Variants in DYNC2LI1 observed in about 807,000 individuals in gnomAD.
The protein encoded by DYNC2LI1 is dynein cytoplasmic 2 light intermediate chain 1, also known as cytoplasmic dynein 2 light intermediate chain 1.
A neutral mutation model predicts 51.9 loss-of-function variants in DYNC2LI1; 45 were observed. The ratio of observed to expected loss-of-function variants is 0.87; its 90% CI spans 0.68 to 1.11. The LOEUF (loss-of-function observed/expected upper bound fraction) is 1.11, where lower values mean the gene tolerates loss of function less well. DYNC2LI1 is among the 50% of genes most tolerant of loss of function. DYNC2LI1 has a pLI of 0.00. For synonymous variants in DYNC2LI1, 130 were observed against 137.8 expected (o/e 0.94, Z 0.40); for missense variants, 490 against 417.4 (o/e 1.17, Z -1.51).
At chr2:43,782,367 C>CT (rs1360164330) in intron 2 of DYNC2LI1, among the ~76,000 whole-genome samples, 1 of 151,668 alleles carries the variant, frequency 6.6e-6, no homozygotes, top group Non-Finnish European at 1.5e-5. Flanking sequence ...GAGTAATTAT[C>CT]TTTTTTGTCA....
chr2:43,824,966 G>A, the DYNC2LI1 span: 17 of 1,613,878 alleles, frequency 1.1e-5, no homozygotes, highest in African/African-American at 5.3e-5. Context: ...TTCCGCTGGC[G>A]TGCCACAGAA....
chr2:43,790,734 G>C (rs546751728), intron 5 of DYNC2LI1, among the ~76,000 whole-genome samples: 1 of 152,194 alleles, frequency 6.6e-6, no homozygotes, highest in African/African-American at 2.4e-5. Flanking sequence ...AATAGACTTC[G>C]TACAGGTTTG....
chr2:43,810,567 C>T (rs1218237130), downstream of DYNC2LI1: 2 of 954,846 alleles, frequency 2.1e-6, no homozygotes, highest in Middle Eastern at 5.4e-4. Flanking sequence ...ATTCTATGTT[C>T]TTCCATGTCC....
the DYNC2LI1 span, chr2:43,825,013 A>G: frequency 2.0e-5 from 32 of 1,613,632 alleles, no homozygotes; most frequent in Admixed American, 5.2e-4. Context: ...CAATTTTGTC[A>G]AAGAGCTGAC....
At position 43,801,686 on chromosome 2, in the gene DYNC2LI1, G is replaced by T; in HGVS notation, c.779G>T (p.Gly260Val). ...AATAAACCGCTGTTTATCACAGCAG[G>T]ATTGGATTCTTTCGGTCAAATAGGT... ...DQNKPLFITAGLDSFGQIGSP... is the reference protein window; with the variant it reads ...DQNKPLFITAVLDSFGQIGSP... Residue 260 changes from glycine to valine, a missense_variant, in exon 10 of 13, where the codon GGA (glycine) becomes GTA (valine). By Grantham distance (109) the Gly-to-Val change is moderately radical. Transcript: ENST00000260605. The T allele has an allele frequency of 6.2e-7, 1 of 1,609,832 alleles. No homozygotes were observed. The highest frequency in any genetic ancestry group is 8.5e-7 in the Non-Finnish European group (1 of 1,177,840).
At chr2:43,812,925 C>T (rs1345784397), downstream of DYNC2LI1, 1 of 596,630 alleles carries the variant, frequency 1.7e-6, no homozygotes, top group Non-Finnish European at 3.0e-6. Flanking sequence ...GTTGTAAGAG[C>T]AAGGGACTAT....
chr2:43,808,609 T>C (rs17031638), intron 12 of DYNC2LI1, among the ~76,000 whole-genome samples: 3,295 of 152,302 alleles, frequency 0.022, 83 homozygotes, highest in African/African-American at 0.062. Flanking sequence ...CCACCTCCAC[T>C]AAAATTTATT....
intron 2 of DYNC2LI1, among the ~76,000 whole-genome samples, chr2:43,777,710 G>A (rs1053051487): frequency 1.3e-5 from 2 of 152,190 alleles, no homozygotes; most frequent in African/African-American, 4.8e-5. Context: ...TGTTCACTGG[G>A]CAACGTCAGC....
chr2:43,795,878 G>T lies in DYNC2LI1; in HGVS notation c.508-12G>T. 1 of 1,605,014 alleles carries T rather than the reference G, an allele frequency of 6.2e-7. No homozygotes were observed. On this transcript the variant is annotated splice_polypyrimidine_tract_variant and intron_variant, in intron 6 of 12. Transcript: ENST00000260605. ...GAATTACAACAACTCAAGGAAATAT[G>T]TTTATTAGCAGGATCATGAATTAAT... is the stretch of plus-strand genomic sequence containing the variant.
the DYNC2LI1 span, among the ~76,000 whole-genome samples, chr2:43,815,682 T>C: frequency 6.6e-6 from 1 of 152,168 alleles, no homozygotes. Context: ...TGCCAAGGGC[T>C]GCATATGGGA....
At chr2:43,777,034 G>C (rs1673059976) in intron 2 of DYNC2LI1, 135 bp downstream of exon 2, 2 of 473,362 alleles carry the variant, frequency 4.2e-6, no homozygotes, top group Admixed American at 7.0e-5. Flanking sequence ...GAATTAAAAA[G>C]TGCTTATTAT....
intron 2 of DYNC2LI1, among the ~76,000 whole-genome samples, chr2:43,778,488 C>T (rs578075454): frequency 6.4e-4 from 97 of 152,236 alleles, no homozygotes; most frequent in Middle Eastern, 3.4e-3. Context: ...TTATGATGCA[C>T]GTGATTTTCA....
chr2:43,782,011 ATGTG>A (rs72178749), intron 2 of DYNC2LI1, among the ~76,000 whole-genome samples: 25 of 148,574 alleles, frequency 1.7e-4, no homozygotes, highest in East Asian at 3.9e-4. Flanking sequence ...GTTTCTGTCT[ATGTG>A]TGTGTGTGTG....
intron 1 of DYNC2LI1, among the ~76,000 whole-genome samples, chr2:43,776,364 A>G (rs541837581): frequency 1.3e-5 from 2 of 152,318 alleles, no homozygotes; most frequent in East Asian, 3.9e-4. Context: ...TGTTTCAGGG[A>G]GGAAAGATTA....
At chr2:43,811,777 G>A (rs866596510), downstream of DYNC2LI1, among the ~76,000 whole-genome samples, 12 of 151,962 alleles carry the variant, frequency 7.9e-5, no homozygotes, top group East Asian at 1.9e-4. Flanking sequence ...GTATTTTTTA[G>A]TAGAGACGGG....
At chr2:43,813,708 C>CTTTTTTTT (rs1558715512), downstream of DYNC2LI1, among the ~76,000 whole-genome samples, 1 of 35,374 alleles carries the variant, frequency 2.8e-5, no homozygotes, top group African/African-American at 1.0e-4. Flanking sequence ...TTTTTTTTTT[C>CTTTTTTTT]GTTTTTTTTT....
chr2:43,791,990 G>T (rs1673814877), intron 5 of DYNC2LI1, among the ~76,000 whole-genome samples: 1 of 151,632 alleles, frequency 6.6e-6, no homozygotes, highest in African/African-American at 2.4e-5. Flanking sequence ...TTTTTCTTTT[G>T]CTTAGAATAA....
At chr2:43,817,650 C>G in the DYNC2LI1 span, among the ~76,000 whole-genome samples, 1 of 152,100 alleles carries the variant, frequency 6.6e-6, no homozygotes, top group African/African-American at 2.4e-5. Flanking sequence ...TGGCTCACGT[C>G]TATAATCCCA....
the DYNC2LI1 span, chr2:43,824,718 T>G: frequency 3.0e-5 from 28 of 924,796 alleles, no homozygotes; most frequent in Middle Eastern, 5.5e-4. Context: ...CTCATTCTGA[T>G]AGTCATCTCT....
Sources: gnomAD v4.1 joint callset for allele counts (sites outside exome capture counted in the v4.1 genomes callset) on GRCh38, gnomAD v4.1.1 for gene constraint, MANE v1.5 for transcripts, NCBI Gene and HGNC (gene_info 2026-07-23, HGNC 2026-07-21) for gene names.